TMPRSS9: variants seen among roughly 807,000 people sequenced by gnomAD.
TMPRSS9 encodes transmembrane serine protease 9, also known as transmembrane protease serine 9.
In TMPRSS9, 113 loss-of-function variants were observed where a neutral mutation model predicts 111.4. The observed-to-expected ratio is 1.01, with a 90% CI of 0.87 to 1.19. The LOEUF (loss-of-function observed/expected upper bound fraction) is 1.19, where lower values mean the gene tolerates loss of function less well. Ranked by LOEUF, TMPRSS9 falls within the 50% of genes most tolerant of loss-of-function variation. The probability of loss-of-function intolerance (pLI) is 0.00; values close to 1 mark genes in which losing one functional copy is unlikely to be tolerated. For synonymous variants in TMPRSS9, 805 were observed against 659.1 expected (o/e 1.22, Z -3.39); for missense variants, 1,803 against 1,513.1 (o/e 1.19, Z -3.18).
intron 1 of TMPRSS9, among the ~76,000 whole-genome samples, chr19:2,375,689 CTG>C (rs1213995159): frequency 6.6e-6 from 1 of 152,178 alleles, no homozygotes; most frequent in African/African-American, 2.4e-5. Context: ...GGAGTAAACA[CTG>C]TGATTGGCAG....
exon 3 of TMPRSS9, chr19:2,398,843 T>A (rs1384056582): frequency 6.6e-7 from 1 of 1,511,632 alleles, no homozygotes; most frequent in African/African-American, 1.4e-5. Context: ...CTGCGTGGGT[T>A]GCTCGGTACT....
chr19:2,385,928 T>G (rs891469100), upstream of TMPRSS9, among the ~76,000 whole-genome samples: 1 of 152,048 alleles, frequency 6.6e-6, no homozygotes, highest in Non-Finnish European at 1.5e-5. Context: ...AGATCTGGTC[T>G]GCAGAATTAT....
intron 1 of TMPRSS9, among the ~76,000 whole-genome samples, chr19:2,373,844 G>A (rs1599275995): frequency 6.6e-6 from 1 of 152,226 alleles, no homozygotes; most frequent in African/African-American, 2.4e-5. Context: ...GGAGGTTGCA[G>A]CTTGGAGGTT....
intron 1 of TMPRSS9, among the ~76,000 whole-genome samples, chr19:2,365,231 T>C (rs1160110478): frequency 6.6e-6 from 1 of 152,142 alleles, no homozygotes; most frequent in East Asian, 1.9e-4. Flanking sequence ...CTTTCTCCTC[T>C]GTCCACATTA....
chr19:2,401,110 T>TA (rs1289175782), intron 4 of TMPRSS9, among the ~76,000 whole-genome samples: 2 of 148,288 alleles, frequency 1.3e-5, no homozygotes, highest in Admixed American at 6.8e-5. Context: ...CCGTCTCTAC[T>TA]AAAAATACAA....
chr19:2,384,628 A>C (rs1338662128), intron 1 of TMPRSS9, among the ~76,000 whole-genome samples: 1 of 151,606 alleles, frequency 6.6e-6, no homozygotes, highest in African/African-American at 2.4e-5. Context: ...ATCCTGGCTA[A>C]CGTGGTGAAA....
rs531722441 is a variant in TMPRSS9, at chr19:2,424,886, G to A, written c.2718-116G>A. On this transcript the variant is annotated intron_variant, in intron 15 of 17. Coordinates refer to ENST00000648592, the Ensembl canonical transcript of TMPRSS9. ...GCCCATTCCCAGACCGACAGCCAGA[G>A]ACCAAGAGGCCAATAACCCTGCCCA... The A allele has an allele frequency of 4.0e-4, 506 of 1,278,782 alleles. 5 individuals are homozygous for A. The African/African-American group carries it at 7.3e-3, about 19-fold the overall frequency. The allele number at this position is 1,278,782 out of a possible 1,614,324, so 79.2% of individuals were successfully genotyped here.
chr19:2,373,420 G>A (rs1470016640), intron 1 of TMPRSS9, among the ~76,000 whole-genome samples: 1 of 151,910 alleles, frequency 6.6e-6, no homozygotes, highest in African/African-American at 2.4e-5. Context: ...AGTAGAGATA[G>A]GGTTTTGTGA....
intron 14 of TMPRSS9, among the ~76,000 whole-genome samples, chr19:2,423,290 G>A (rs1243765149): frequency 6.6e-6 from 1 of 151,926 alleles, no homozygotes; most frequent in Non-Finnish European, 1.5e-5. Context: ...AAATACAGGC[G>A]GGTTCTGTGT....
rs1245007592 is a variant in TMPRSS9 at position 2,377,705 on chromosome 19, T to TTC, written c.-25-12042_-25-12041dup. 8.5e-4 allele frequency among the ~76,000 whole-genome samples: 19 copies of TTC among 22,418 alleles called. 1 individual carries two copies. Among genetic ancestry groups the TTC allele is most frequent in the African/African-American group, 7.3e-3 (18 of 2,470 alleles). 14.7% of individuals were successfully genotyped at this position (22,418 alleles called of 152,430 possible). On this transcript the variant is annotated intron_variant, in intron 1 of 17. Coordinates refer to the TMPRSS9 transcript ENST00000649857. ...CTTCCTTCTTTCCTTCCTTCCTTCC[T>TTC]TCTCTCTCTCTCTCTTTATTTTTTT...
Position 2,410,253 on chromosome 19 carries a change from G to C in TMPRSS9, c.1118-5G>C. 1.2e-6 allele frequency: 2 copies of C among 1,613,666 alleles called. No homozygotes were observed. Among genetic ancestry groups the C allele is most frequent in the Non-Finnish European group, 1.7e-6 (2 of 1,179,886 alleles). On this transcript the variant is annotated splice_region_variant and splice_polypyrimidine_tract_variant and intron_variant, in intron 8 of 17. Transcript: ENST00000648592. Reference sequence around the variant, plus strand: ...CACCCTGCTTTTCTCTCCCCATTCGGCCAGTGGTCAAGCCAGAGGTGCTGC... The same window carrying C: ...CACCCTGCTTTTCTCTCCCCATTCGCCCAGTGGTCAAGCCAGAGGTGCTGC...
At chr19:2,401,101 C>A (rs984831577) in intron 4 of TMPRSS9, among the ~76,000 whole-genome samples, 1 of 151,276 alleles carries the variant, frequency 6.6e-6, no homozygotes, top group Non-Finnish European at 1.5e-5. Flanking sequence ...GGTGAAACCC[C>A]GTCTCTACTA....
At chr19:2,409,875 G>C (rs1971058351) in intron 8 of TMPRSS9, among the ~76,000 whole-genome samples, 1 of 152,062 alleles carries the variant, frequency 6.6e-6, no homozygotes, top group Non-Finnish European at 1.5e-5. Context: ...CCCGGGCAAG[G>C]ATGGGCGTGA....
At chr19:2,369,186 G>C (rs1254452915) in intron 1 of TMPRSS9, among the ~76,000 whole-genome samples, 1 of 152,026 alleles carries the variant, frequency 6.6e-6, no homozygotes, top group Non-Finnish European at 1.5e-5. Context: ...CCTGACTTCA[G>C]GTGATCCACC....
intron 1 of TMPRSS9, among the ~76,000 whole-genome samples, chr19:2,384,071 A>G (rs189354869): frequency 1.3e-5 from 2 of 152,154 alleles, no homozygotes; most frequent in East Asian, 3.9e-4. Context: ...CCTCCAGAGA[A>G]GCCCTCGGCC....
chr19:2,411,771 C>A (rs139565115), intron 9 of TMPRSS9, among the ~76,000 whole-genome samples: 1 of 152,076 alleles, frequency 6.6e-6, no homozygotes, highest in African/African-American at 2.4e-5. Flanking sequence ...AGGCTGGTCT[C>A]GAAATCCTGG....
chr19:2,394,861 G>T (rs1282054891), intron 1 of TMPRSS9, among the ~76,000 whole-genome samples: 2 of 152,100 alleles, frequency 1.3e-5, no homozygotes, highest in African/African-American at 4.8e-5. Flanking sequence ...CATGGTTTCT[G>T]TGGTTGCTCT....
intron 1 of TMPRSS9, among the ~76,000 whole-genome samples, chr19:2,376,917 C>T (rs1289598131): frequency 6.6e-6 from 1 of 152,114 alleles, no homozygotes; most frequent in Non-Finnish European, 1.5e-5. Flanking sequence ...TGCAATTTCT[C>T]TGGCCTCCAA....
intron 13 of TMPRSS9, among the ~76,000 whole-genome samples, chr19:2,421,121 A>G (rs1971453716): frequency 6.6e-6 from 1 of 150,970 alleles, no homozygotes; most frequent in Non-Finnish European, 1.5e-5. Flanking sequence ...CAGGAGAATC[A>G]CTTGAACCCA....
Sources: gnomAD v4.1 joint callset for allele counts (sites outside exome capture counted in the v4.1 genomes callset) on GRCh38, gnomAD v4.1.1 for gene constraint, MANE v1.5 for transcripts, NCBI Gene and HGNC (gene_info 2026-07-23, HGNC 2026-07-21) for gene names.